SH2D3C: variants seen among roughly 807,000 people sequenced by gnomAD.
SH2D3C encodes SH2 domain-containing protein 3C.
A neutral mutation model predicts 75.2 loss-of-function variants in SH2D3C; 25 were observed. The ratio of observed to expected loss-of-function variants is 0.33; its 90% CI spans 0.24 to 0.46. The LOEUF is 0.46. SH2D3C is among the 20% of genes least tolerant of loss of function. The probability of loss-of-function intolerance (pLI) is 1.00; values close to 1 mark genes in which losing one functional copy is unlikely to be tolerated. For missense variants in SH2D3C, 933 were observed against 1,165.3 expected (o/e 0.80, Z 2.90); for synonymous variants, 450 against 473.7 (o/e 0.95, Z 0.65).
At position 127,738,523 on chromosome 9, in the gene SH2D3C, A is replaced by G. The variant is rs1844751875; in HGVS notation, c.*223T>C. On this transcript the variant is annotated 3_prime_UTR_variant, in exon 12 of 12. Coordinates refer to ENST00000314830, the MANE Select transcript of SH2D3C (RefSeq NM_170600.3). The surrounding 1 kb of genome is among the most constrained non-coding windows in gnomAD (Gnocchi z 5.0). ...GGGGAGCAGCAAAAGCTGGTGGGGG[A>G]ACCGGCGTTCCTGTTCTTCCTCAAT... 2.5e-6 allele frequency: 1 copy of G among 398,386 alleles called. No individual in the cohort carries two copies. Among genetic ancestry groups the G allele is most frequent in the South Asian group, 5.7e-5 (1 of 17,626 alleles). The allele number at this position is 398,386 out of a possible 1,614,324, so 24.7% of individuals were successfully genotyped here. A position where few individuals can be genotyped will look rare whatever the true frequency, so the allele number is the denominator to read the frequency against.
rs574542759 is a variant in SH2D3C at position 127,762,240 on chromosome 9, GAGAGGCC to G, written c.516-597_516-591del. ...TTCTGCCCCCAGGGTGGAGAGCCTG[GAGAGGCC>G]AGAGGCCAGAGACGGCTGTTTTTCC... On this transcript the variant is annotated intron_variant, in intron 2 of 11. Coordinates refer to ENST00000314830, the MANE Select transcript of SH2D3C (RefSeq NM_170600.3). 1.1e-3 allele frequency: 1,327 copies of G among 1,211,994 alleles called. 5 individuals are homozygous for G. The African/African-American group carries it at 0.013, about 12-fold the overall frequency. 75.1% of individuals were successfully genotyped at this position (1,211,994 alleles called of 1,614,324 possible).
In SH2D3C at chr9:127,751,600, G is replaced by A. The variant is rs532050597; in HGVS notation, c.556-300C>T. On this transcript the variant is annotated intron_variant, in intron 3 of 11. Transcript: ENST00000314830. This position sits in a 1 kb window ranked among gnomAD's most constrained non-coding sequence, Gnocchi z 4.1. ...GTCTGAGGAGAGGCAAAAGCAACAG[G>A]AGCCTCTGAGTAGAGTGCGGTCAGC... 3.4e-4 allele frequency among the ~76,000 whole-genome samples: 52 copies of A among 152,328 alleles called. No individual in the cohort carries two copies. The highest frequency in any genetic ancestry group is 1.2e-3 in the African/African-American group (50 of 41,576).
rs144320933 is a variant in SH2D3C at position 127,747,412 on chromosome 9, G to C, written c.1140-141C>G. 13 of 774,802 alleles carry C rather than the reference G, an allele frequency of 1.7e-5. No homozygotes were observed. The African/African-American group carries it at 1.7e-4, about 10-fold the overall frequency. The allele number at this position is 774,802 out of a possible 1,614,324, so 48.0% of individuals were successfully genotyped here. ...ATCAAATCCAACCTCCCGACTGACA[G>C]GTACCAAAAAAACTGAAGCCCAGAT... On this transcript the variant is annotated intron_variant, in intron 5 of 11. Transcript: ENST00000314830.
chr9:127,747,364 G>C lies in SH2D3C; in HGVS notation c.1140-93C>G, dbSNP rs1845063728. The C allele has an allele frequency of 1.2e-5, 15 of 1,239,664 alleles. 1 individual carries two copies. In the South Asian group the frequency reaches 2.3e-4, roughly 19 times the overall value. 76.8% of individuals were successfully genotyped at this position (1,239,664 alleles called of 1,614,324 possible). A position where few individuals can be genotyped will look rare whatever the true frequency, so the allele number is the denominator to read the frequency against. On this transcript the variant is annotated intron_variant, in intron 5 of 11. Coordinates refer to ENST00000314830, the MANE Select transcript of SH2D3C (RefSeq NM_170600.3). ...CCCCACCTCTGCACCTTGAACTTCA[G>C]AGGCAGAGAAGGCTTGGAGATTATC...
chr9:127,767,019 G>A (rs759832697), intron 2 of SH2D3C: 1 of 1,536,186 alleles, frequency 6.5e-7, no homozygotes. Context: ...CATGGGGCCT[G>A]TGGGATTCCC....
chr9:127,756,078 T>C (rs1015553178), intron 3 of SH2D3C, among the ~76,000 whole-genome samples: 3 of 152,174 alleles, frequency 2.0e-5, no homozygotes, highest in African/African-American at 7.2e-5. Flanking sequence ...GGCAAGTGCA[T>C]CACTTGAGGC....
rs200786276 is a variant in SH2D3C at position 127,744,856 on chromosome 9, C to T, written c.1508G>A (p.Arg503His). ...AGTCGCTGCCCACTCTCGGCTGCCA[C>T]GCACGGGAGGCTGGAGCTGGCAGTA... ...GHYCQLQPPVRGSREWAATET... is the reference protein window; with the variant it reads ...GHYCQLQPPVHGSREWAATET... The change falls in exon 7 of 12, where the codon CGT becomes CAT. Residue 503 changes from arginine (R) to histidine (H), a missense_variant. Transcript: ENST00000314830. 8.4e-5 allele frequency: 135 copies of T among 1,614,074 alleles called. No individual in the cohort carries two copies. In the East Asian group the frequency reaches 1.6e-3, roughly 19 times the overall value.
chr9:127,744,860 C>A lies in SH2D3C; in HGVS notation c.1504G>T (p.Val502Leu), dbSNP rs200983289. 6.2e-7 allele frequency: 1 copy of A among 1,614,022 alleles called. No individual in the cohort carries two copies. Among genetic ancestry groups the A allele is most frequent in the Non-Finnish European group, 8.5e-7 (1 of 1,179,972 alleles). Residue 502 changes from valine (V) to leucine (L), a missense_variant, in exon 7 of 12, where the codon GTG (valine) becomes TTG (leucine). By Grantham distance (32) the Val-to-Leu change is conservative. Transcript: ENST00000314830. ...SGHYCQLQPP[V>L]RGSREWAATE... Reference sequence around the variant, plus strand: ...GCTGCCCACTCTCGGCTGCCACGCACGGGAGGCTGGAGCTGGCAGTAGTGG... The same window carrying A: ...GCTGCCCACTCTCGGCTGCCACGCAAGGGAGGCTGGAGCTGGCAGTAGTGG...
At chr9:127,740,937 T>A (rs1036819495) in intron 9 of SH2D3C, among the ~76,000 whole-genome samples, 1 of 152,206 alleles carries the variant, frequency 6.6e-6, no homozygotes, top group African/African-American at 2.4e-5. Context: ...CACCTTGGCC[T>A]CCCAAAGTGC....
chr9:127,767,419 G>A, intron 2 of SH2D3C: 1 of 974,384 alleles, frequency 1.0e-6, no homozygotes, highest in Non-Finnish European at 1.5e-6. Context: ...AGAACCAGAT[G>A]GCCTGATGTC....
intron 1 of SH2D3C, among the ~76,000 whole-genome samples, chr9:127,777,055 T>C (rs1343151839): frequency 2.0e-5 from 3 of 152,162 alleles, no homozygotes; most frequent in African/African-American, 7.2e-5. Flanking sequence ...GGGTCTGGGA[T>C]TGGGCCCTGC....
chr9:127,741,693 A>G, intron 9 of SH2D3C, 95 bp downstream of exon 9: 1 of 1,430,228 alleles, frequency 7.0e-7, no homozygotes, highest in Non-Finnish European at 9.3e-7. Flanking sequence ...AGAAATTCCA[A>G]AGCTCCTCCT....
intron 4 of SH2D3C, among the ~76,000 whole-genome samples, chr9:127,750,134 A>C (rs1845156127): frequency 1.3e-5 from 2 of 151,066 alleles, no homozygotes; most frequent in African/African-American, 2.4e-5. Context: ...CCATCTGATG[A>C]ACTTCTTTAT....
chr9:127,767,184 T>A, intron 2 of SH2D3C: 1 of 1,533,798 alleles, frequency 6.5e-7, no homozygotes, highest in Non-Finnish European at 8.7e-7. Flanking sequence ...GCGACAGCCT[T>A]GTGAGGAGAA....
At chr9:127,742,690 C>G in intron 8 of SH2D3C, 159 bp downstream of exon 8, 1 of 576,086 alleles carries the variant, frequency 1.7e-6, no homozygotes, top group Non-Finnish European at 3.1e-6. Context: ...CTGTTTAGAG[C>G]GGGTTATCAG....
At chr9:127,743,026 G>A in intron 7 of SH2D3C, 62 bp from the exon 8 acceptor site, 1 of 1,287,316 alleles carries the variant, frequency 7.8e-7, no homozygotes, top group Non-Finnish European at 1.1e-6. Context: ...CCATCTGGGA[G>A]TCAGAGAGCT....
At chr9:127,758,596 G>A (rs943999106) in intron 3 of SH2D3C, among the ~76,000 whole-genome samples, 1 of 152,138 alleles carries the variant, frequency 6.6e-6, no homozygotes, top group Middle Eastern at 3.2e-3. Context: ...TGCTCAACTT[G>A]CTGCTACCCT....
chr9:127,775,097 A>T (rs1056019831), intron 1 of SH2D3C, among the ~76,000 whole-genome samples: 2 of 152,222 alleles, frequency 1.3e-5, no homozygotes, highest in East Asian at 3.9e-4. Context: ...TCAAAATTAA[A>T]AAGAAAAAGA....
intron 3 of SH2D3C, chr9:127,755,383 C>T (rs548236688): frequency 2.9e-5 from 10 of 342,904 alleles, no homozygotes; most frequent in African/African-American, 1.3e-4. Context: ...CGCCCGCCCC[C>T]CGCTCCCAGC....
Sources: gnomAD v4.1 joint callset for allele counts (sites outside exome capture counted in the v4.1 genomes callset) on GRCh38, gnomAD v4.1.1 for gene constraint, Gnocchi (gnomAD v3.1) non-coding constraint, MANE v1.5 for transcripts, NCBI Gene and HGNC (gene_info 2026-07-23, HGNC 2026-07-21) for gene names.